The following WDR25 variants were observed in gnomAD, a reference collection of about 807,000 sequenced individuals.
The protein encoded by WDR25 is WD repeat-containing protein 25.
A neutral mutation model predicts 47.7 loss-of-function variants in WDR25; 35 were observed. That is an observed-to-expected ratio of 0.73 (90% CI 0.56 to 0.97). The LOEUF (loss-of-function observed/expected upper bound fraction) is 0.97. Among genes scored for constraint, WDR25 ranks in the 50% least tolerant of loss-of-function variants. WDR25 has a pLI of 0.00. For synonymous variants in WDR25, 248 were observed against 278.9 expected (o/e 0.89, Z 1.10); for missense variants, 634 against 704.7 (o/e 0.90, Z 1.14).
intron 2 of WDR25, among the ~76,000 whole-genome samples, chr14:100,452,997 A>G (rs1595103410): frequency 6.6e-6 from 1 of 151,926 alleles, no homozygotes; most frequent in African/African-American, 2.4e-5. Flanking sequence ...GGGAGAGAGG[A>G]TGGTGCTCAG....
intron 1 of WDR25, among the ~76,000 whole-genome samples, chr14:100,378,170 AGATT>A (rs1469165550): frequency 1.0e-5 from 1 of 96,152 alleles, no homozygotes; most frequent in Non-Finnish European, 2.9e-5. Context: ...AATTTCAGAA[AGATT>A]TTTTTTTTTT....
chr14:100,467,321 G>A (rs1466893430), intron 2 of WDR25, among the ~76,000 whole-genome samples: 1 of 152,042 alleles, frequency 6.6e-6, no homozygotes, highest in Non-Finnish European at 1.5e-5. Context: ...AGGGATGCAG[G>A]CGAGCCTGGG....
At chr14:100,394,380 T>G (rs1897212170) in intron 2 of WDR25, among the ~76,000 whole-genome samples, 1 of 152,202 alleles carries the variant, frequency 6.6e-6, no homozygotes, top group Admixed American at 6.5e-5. Flanking sequence ...GCTTCTGGAC[T>G]TGCTGCTGTG....
intron 4 of WDR25, among the ~76,000 whole-genome samples, chr14:100,485,052 C>T (rs1205268454): frequency 2.0e-5 from 3 of 152,334 alleles, no homozygotes; most frequent in South Asian, 4.1e-4. Context: ...CAGCATTTCT[C>T]ATCAGTGCCA....
chr14:100,434,214 G>A (rs1898430445), intron 2 of WDR25, among the ~76,000 whole-genome samples: 1 of 152,184 alleles, frequency 6.6e-6, no homozygotes, highest in African/African-American at 2.4e-5. Context: ...ATGCACACAT[G>A]CCTCTATTCA....
chr14:100,491,127 A>G lies in WDR25; in HGVS notation c.1101+7003A>G, dbSNP rs1595142077. On this transcript the variant is annotated intron_variant, in intron 4 of 6. Coordinates refer to ENST00000402312, the MANE Select transcript of WDR25 (RefSeq NM_001161476.3). ...GTGCTGACCACAGTGTGCCTCCTGC[A>G]GGCATCACGCTGTGCACGCTGTGTG... Among the ~76,000 whole-genome samples, 4 of 152,298 alleles carry G rather than the reference A, an allele frequency of 2.6e-5. No individual in the cohort carries two copies. The South Asian group carries it at 8.3e-4, about 32-fold the overall frequency.
chr14:100,497,889 C>A (rs1302481258), intron 4 of WDR25, among the ~76,000 whole-genome samples: 1 of 152,154 alleles, frequency 6.6e-6, no homozygotes, highest in African/African-American at 2.4e-5. Flanking sequence ...GGTTGTCCCC[C>A]GGTGGGATGC....
rs1566904230 is a variant in WDR25 at position 100,425,418 on chromosome 14, G to A, written c.823-42603G>A. On this transcript the variant is annotated intron_variant, in intron 2 of 6. Coordinates refer to ENST00000402312, the MANE Select transcript of WDR25 (RefSeq NM_001161476.3). The surrounding 1 kb of genome is among the most constrained non-coding windows in gnomAD (Gnocchi z 4.8). ...CCATAGGTTGCAGAGCTAAAAATTAGGGAGGCTAGGATTTGGACCTACATT... is the reference window on the plus strand; with the variant it reads ...CCATAGGTTGCAGAGCTAAAAATTAAGGAGGCTAGGATTTGGACCTACATT... Among the ~76,000 whole-genome samples, 1 of 152,228 alleles carries A rather than the reference G, an allele frequency of 6.6e-6. No homozygotes were observed. Among genetic ancestry groups the A allele is most frequent in the Non-Finnish European group, 1.5e-5 (1 of 68,038 alleles).
chr14:100,434,684 C>G (rs1898446553), intron 2 of WDR25, among the ~76,000 whole-genome samples: 1 of 152,206 alleles, frequency 6.6e-6, no homozygotes, highest in African/African-American at 2.4e-5. Context: ...AAAGGCAGGT[C>G]TGTACAAAAA....
At chr14:100,377,217 G>C (rs1005843151) in intron 1 of WDR25, among the ~76,000 whole-genome samples, 1 of 152,194 alleles carries the variant, frequency 6.6e-6, no homozygotes. Flanking sequence ...TGCAGTGCAC[G>C]GTTCCATTAG....
At chr14:100,451,748 C>T (rs989094125) in intron 2 of WDR25, among the ~76,000 whole-genome samples, 9 of 152,114 alleles carry the variant, frequency 5.9e-5, no homozygotes, top group African/African-American at 2.2e-4. Context: ...ATAAAGAGGT[C>T]ATACAGTCCA....
At chr14:100,379,254 T>C (rs1227602008) in intron 1 of WDR25, among the ~76,000 whole-genome samples, 1 of 152,228 alleles carries the variant, frequency 6.6e-6, no homozygotes, top group African/African-American at 2.4e-5. Flanking sequence ...GATAAAGTTC[T>C]ACAGTGGGGT....
intron 4 of WDR25, among the ~76,000 whole-genome samples, chr14:100,491,866 G>A (rs973690975): frequency 2.6e-5 from 4 of 152,206 alleles, no homozygotes; most frequent in African/African-American, 9.7e-5. Flanking sequence ...CCTGAAAACA[G>A]AACCCAACGT....
intron 4 of WDR25, among the ~76,000 whole-genome samples, chr14:100,497,171 G>A (rs956502804): frequency 1.3e-5 from 2 of 152,172 alleles, no homozygotes; most frequent in Non-Finnish European, 2.9e-5. Flanking sequence ...AGCCTGCAGT[G>A]TTGAATGTTC....
intron 2 of WDR25, among the ~76,000 whole-genome samples, chr14:100,452,230 C>T (rs1899058643): frequency 6.6e-6 from 1 of 152,046 alleles, no homozygotes; most frequent in African/African-American, 2.4e-5. Flanking sequence ...CTATCTATGC[C>T]GTCACTCACT....
intron 5 of WDR25, 150 bp from the exon 6 acceptor site, chr14:100,528,918 A>G (rs368554302): frequency 3.0e-5 from 26 of 875,594 alleles, no homozygotes; most frequent in Middle Eastern, 3.7e-4. Flanking sequence ...GTGTGTCTTG[A>G]GCCACCAAGC....
At chr14:100,408,107 A>G (rs1158504519) in intron 2 of WDR25, among the ~76,000 whole-genome samples, 3 of 152,016 alleles carry the variant, frequency 2.0e-5, no homozygotes. Context: ...ATGTGGGTAA[A>G]TCTGGAGTTT....
At chr14:100,467,879 T>G in intron 2 of WDR25, 142 bp from the exon 3 acceptor site, 2 of 1,152,084 alleles carry the variant, frequency 1.7e-6, no homozygotes, top group Non-Finnish European at 2.4e-6. Context: ...ATGAAAAGTT[T>G]AACATCTAGA....
rs761220929 is a variant in WDR25 at position 100,432,007 on chromosome 14, G to T, written c.823-36014G>T. On this transcript the variant is annotated intron_variant, in intron 2 of 6. Transcript: ENST00000402312. ...TTACAGGCGTGAGCCACCGCACCCAGCCTTGTTGGTAATTTCTTTTGCCAT... is the reference window on the plus strand; with the variant it reads ...TTACAGGCGTGAGCCACCGCACCCATCCTTGTTGGTAATTTCTTTTGCCAT... Among the ~76,000 whole-genome samples, 135 of 152,344 alleles carry T rather than the reference G, an allele frequency of 8.9e-4. 1 individual carries two copies. Among genetic ancestry groups the T allele is most frequent in the Non-Finnish European group, 1.6e-3 (111 of 68,038 alleles).
Sources: gnomAD v4.1 joint callset for allele counts (sites outside exome capture counted in the v4.1 genomes callset) on GRCh38, gnomAD v4.1.1 for gene constraint, Gnocchi (gnomAD v3.1) non-coding constraint, MANE v1.5 for transcripts, NCBI Gene and HGNC (gene_info 2026-07-23, HGNC 2026-07-21) for gene names.